DOCK3: variants seen among roughly 807,000 people sequenced by gnomAD.
DOCK3 encodes the protein dedicator of cytokinesis 3.
In DOCK3, 60 loss-of-function variants were observed where a neutral mutation model predicts 265.6. The ratio of observed to expected loss-of-function variants is 0.23; its 90% CI spans 0.18 to 0.28. DOCK3 has a LOEUF of 0.28. Ranked by LOEUF, DOCK3 falls within the 10% of genes least tolerant of loss-of-function variation. DOCK3 has a pLI of 1.00. For missense variants in DOCK3, 1,981 were observed against 2,594.3 expected (o/e 0.76, Z 5.14); for synonymous variants, 881 against 938.0 (o/e 0.94, Z 1.11).
intron 4 of DOCK3, among the ~76,000 whole-genome samples, chr3:50,890,871 G>T (rs759671756): frequency 6.6e-6 from 1 of 152,028 alleles, no homozygotes; most frequent in South Asian, 2.1e-4. Flanking sequence ...ATTTACACAC[G>T]TTTGAAGAGT....
At chr3:51,371,048 G>A (rs1010388095) in intron 49 of DOCK3, among the ~76,000 whole-genome samples, 4 of 152,166 alleles carry the variant, frequency 2.6e-5, no homozygotes, top group East Asian at 3.9e-4. Flanking sequence ...CTCAAGGCTC[G>A]TTTTTACCCA....
chr3:51,160,420 C>A, intron 11 of DOCK3, 135 bp from the exon 12 acceptor site: 2 of 1,121,946 alleles, frequency 1.8e-6, no homozygotes, highest in Non-Finnish European at 1.2e-6. Context: ...TGGATGACTC[C>A]CTTCAGCCCT....
At chr3:51,130,333 G>A (rs2084469370) in intron 9 of DOCK3, among the ~76,000 whole-genome samples, 3 of 151,974 alleles carry the variant, frequency 2.0e-5, no homozygotes, top group Non-Finnish European at 2.9e-5. Context: ...ATATACCCCT[G>A]AGGTAGGACA....
At chr3:50,826,856 T>G (rs1041460510) in intron 2 of DOCK3, among the ~76,000 whole-genome samples, 2 of 152,116 alleles carry the variant, frequency 1.3e-5, no homozygotes, top group African/African-American at 4.8e-5. Flanking sequence ...CGTTGAAAAT[T>G]AGAGAAGATA....
At chr3:51,344,471 T>G (rs2085434315) in intron 38 of DOCK3, among the ~76,000 whole-genome samples, 1 of 152,086 alleles carries the variant, frequency 6.6e-6, no homozygotes, top group African/African-American at 2.4e-5. Flanking sequence ...AATACAAACA[T>G]TAGCTGGGTG....
chr3:51,013,248 T>C (rs2079022735), intron 5 of DOCK3, among the ~76,000 whole-genome samples: 3 of 152,232 alleles, frequency 2.0e-5, no homozygotes, highest in Admixed American at 2.0e-4. Context: ...TTAGAATTTT[T>C]AGCCTTTCTG....
intron 5 of DOCK3, among the ~76,000 whole-genome samples, chr3:50,961,583 A>G (rs927633646): frequency 3.3e-5 from 5 of 152,250 alleles, no homozygotes; most frequent in Non-Finnish European, 7.3e-5. Flanking sequence ...GACTTATTCC[A>G]GGAACAAAGA....
intron 2 of DOCK3, among the ~76,000 whole-genome samples, chr3:50,832,214 A>G (rs1036487988): frequency 2.6e-5 from 4 of 152,236 alleles, no homozygotes; most frequent in African/African-American, 9.6e-5. Flanking sequence ...AATTAGCTCA[A>G]GACGGATTAA....
chr3:51,059,769 C>T (rs1311760034), intron 5 of DOCK3, among the ~76,000 whole-genome samples: 1 of 152,082 alleles, frequency 6.6e-6, no homozygotes, highest in East Asian at 1.9e-4. Flanking sequence ...ATATTCTGTA[C>T]CCTTCCTCTC....
chr3:50,857,558 G>C (rs2046663896), intron 3 of DOCK3, among the ~76,000 whole-genome samples: 1 of 152,212 alleles, frequency 6.6e-6, no homozygotes, highest in Admixed American at 6.5e-5. Flanking sequence ...CTAATATCCA[G>C]AATCTACAAA....
At chr3:51,244,202 C>T (rs1393512688) in intron 21 of DOCK3, among the ~76,000 whole-genome samples, 1 of 136,016 alleles carries the variant, frequency 7.4e-6, no homozygotes, top group African/African-American at 2.8e-5. Context: ...ACTTGTGATT[C>T]CATATTAGGA....
chr3:51,275,680 G>A (rs2080780409), intron 25 of DOCK3, among the ~76,000 whole-genome samples: 1 of 152,108 alleles, frequency 6.6e-6, no homozygotes, highest in African/African-American at 2.4e-5. Flanking sequence ...AGAGGTTAAT[G>A]TTGCCCACCA....
chr3:50,883,818 C>G (rs2048186082), intron 3 of DOCK3, among the ~76,000 whole-genome samples: 1 of 152,026 alleles, frequency 6.6e-6, no homozygotes, highest in South Asian at 2.1e-4. Flanking sequence ...CAAACATCAC[C>G]ATTATTATGT....
At chr3:51,326,292 G>A (rs1156770828) in intron 32 of DOCK3, among the ~76,000 whole-genome samples, 3 of 148,410 alleles carry the variant, frequency 2.0e-5, no homozygotes, top group African/African-American at 7.5e-5. Context: ...ACGGAGTCTC[G>A]CTCTGTCACC....
intron 7 of DOCK3, among the ~76,000 whole-genome samples, chr3:51,082,942 C>G (rs965160073): frequency 6.6e-6 from 1 of 152,192 alleles, no homozygotes; most frequent in African/African-American, 2.4e-5. Context: ...TGGCACACCA[C>G]TGCTACTGCC....
chr3:51,151,276 C>T (rs1667517454), intron 10 of DOCK3, among the ~76,000 whole-genome samples: 1 of 152,056 alleles, frequency 6.6e-6, no homozygotes, highest in African/African-American at 2.4e-5. Flanking sequence ...GTTTGCCAGT[C>T]TGTGTCTTTT....
At chr3:50,974,125 C>T (rs1337040710) in intron 5 of DOCK3, among the ~76,000 whole-genome samples, 2 of 151,410 alleles carry the variant, frequency 1.3e-5, no homozygotes, top group African/African-American at 2.4e-5. Flanking sequence ...TTTTGCTGTA[C>T]AGAAGCTCTT....
At chr3:50,852,752 G>A (rs1449708274) in intron 3 of DOCK3, among the ~76,000 whole-genome samples, 4 of 151,962 alleles carry the variant, frequency 2.6e-5, no homozygotes, top group African/African-American at 9.7e-5. Flanking sequence ...TATTTAACAT[G>A]TATCTGCTGT....
chr3:50,690,220 A>G (rs1214988756), intron 1 of DOCK3, among the ~76,000 whole-genome samples: 1 of 151,568 alleles, frequency 6.6e-6, no homozygotes, highest in African/African-American at 2.4e-5. Context: ...TGTAGTCTCA[A>G]ACTCTTGGGC....
Sources: allele counts gnomAD v4.1 joint callset (sites outside exome capture counted in the v4.1 genomes callset), GRCh38; gene constraint gnomAD v4.1.1; transcripts MANE v1.5; gene names NCBI Gene and HGNC (gene_info 2026-07-23, HGNC 2026-07-21).